CFAP77: variants seen among roughly 807,000 people sequenced by gnomAD.
CFAP77 encodes cilia- and flagella-associated protein 77.
In CFAP77, 25 loss-of-function variants were observed where a neutral mutation model predicts 31.1. The ratio of observed to expected loss-of-function variants is 0.80; its 90% CI spans 0.59 to 1.12. The LOEUF (loss-of-function observed/expected upper bound fraction) is 1.12. CFAP77 is among the 50% of genes most tolerant of loss of function. The probability of loss-of-function intolerance (pLI) is 0.00; values close to 1 mark genes in which losing one functional copy is unlikely to be tolerated. For synonymous variants in CFAP77, 151 were observed against 159.9 expected, an observed-to-expected ratio of 0.94 and a Z score of 0.42; for missense variants, 377 against 397.3, an observed-to-expected ratio of 0.95 and a Z score of 0.44.
intron 1 of CFAP77, among the ~76,000 whole-genome samples, chr9:132,477,832 C>A (rs962071524): frequency 6.6e-6 from 1 of 152,140 alleles, no homozygotes; most frequent in African/African-American, 2.4e-5. Flanking sequence ...GGAGTCCAGA[C>A]CCTCTGAGTC....
At chr9:132,513,501 C>A in intron 3 of CFAP77, 1 of 957,912 alleles carries the variant, frequency 1.0e-6, no homozygotes, top group Non-Finnish European at 1.5e-6. Flanking sequence ...TTCCACCCAG[C>A]GTGCCCAGTT....
intron 1 of CFAP77, among the ~76,000 whole-genome samples, chr9:132,482,957 A>T (rs557518166): frequency 9.6e-6 from 1 of 103,688 alleles, no homozygotes; most frequent in Admixed American, 8.9e-5. Flanking sequence ...TATAATAATA[A>T]TTTAAAAAAA....
chr9:132,557,984 C>T (rs1221462325), intron 5 of CFAP77, among the ~76,000 whole-genome samples: 5 of 152,204 alleles, frequency 3.3e-5, no homozygotes, highest in Non-Finnish European at 2.9e-5. Context: ...ACCTCCCTCC[C>T]GTGCCCACGG....
chr9:132,475,623 G>A (rs935272683), intron 1 of CFAP77, among the ~76,000 whole-genome samples: 1 of 152,174 alleles, frequency 6.6e-6, no homozygotes, highest in Non-Finnish European at 1.5e-5. Context: ...GAAGCCACAT[G>A]AAATTGGGCT....
At chr9:132,428,066 A>G (rs1001010227) in intron 1 of CFAP77, among the ~76,000 whole-genome samples, 2 of 151,164 alleles carry the variant, frequency 1.3e-5, no homozygotes, top group Non-Finnish European at 2.9e-5. Flanking sequence ...TGGTACAATC[A>G]TAGCTCACTG....
intron 3 of CFAP77, among the ~76,000 whole-genome samples, chr9:132,507,992 C>G (rs1419575384): frequency 6.6e-6 from 1 of 152,224 alleles, no homozygotes; most frequent in Non-Finnish European, 1.5e-5. Flanking sequence ...TGCTGTATGT[C>G]AGGTCCCAGA....
chr9:132,519,391 G>C, intron 3 of CFAP77, among the ~76,000 whole-genome samples: 2 of 143,630 alleles, frequency 1.4e-5, no homozygotes, highest in East Asian at 2.1e-4. Context: ...TAGGTGGATG[G>C]ATGGGTGGGC....
At position 132,427,001 on chromosome 9, in the gene CFAP77, G is replaced by A. The variant is rs532610312; in HGVS notation, c.195+16535G>A. 8.5e-5 allele frequency among the ~76,000 whole-genome samples: 13 copies of A among 152,262 alleles called. No individual in the cohort carries two copies. The East Asian group carries it at 9.6e-4, about 11-fold the overall frequency. ...AATGACACCATCTAAATCAGCAAAG[G>A]TGATCATTATGTGGTTATTAATCGA... On this transcript the variant is annotated intron_variant, in intron 1 of 5. Transcript: ENST00000393216.
rs1417553754 is a variant in CFAP77, at chr9:132,454,224, G to A, written c.195+43758G>A. Among the ~76,000 whole-genome samples the A allele has an allele frequency of 2.6e-5, 4 of 151,882 alleles. No homozygotes were observed. The East Asian group carries it at 5.8e-4, about 22-fold the overall frequency. On this transcript the variant is annotated intron_variant, in intron 1 of 5. Transcript: ENST00000393216. ...TGCAGTATCTAGTAGCTTCTTTATGGGAAAGAGTTTATCAATATTTCAATT... is the reference window on the plus strand; with the variant it reads ...TGCAGTATCTAGTAGCTTCTTTATGAGAAAGAGTTTATCAATATTTCAATT...
At position 132,497,268 on chromosome 9, in the gene CFAP77, T is replaced by C. The variant is rs1851759362; in HGVS notation, c.196-1427T>C. Among the ~76,000 whole-genome samples, 1 of 151,848 alleles carries C rather than the reference T, an allele frequency of 6.6e-6. No homozygotes were observed. Among genetic ancestry groups the C allele is most frequent in the East Asian group, 1.9e-4 (1 of 5,166 alleles). ...GGCAGTGATGAGCCACGCTGGGTGG[T>C]CCTTGACCATCTGTCTACCTCTCAG... On this transcript the variant is annotated intron_variant, in intron 1 of 5. Transcript: ENST00000393216. This position sits in a 1 kb window ranked among gnomAD's most constrained non-coding sequence, Gnocchi z 4.9.
At chr9:132,441,241 A>G (rs1179264923) in intron 1 of CFAP77, among the ~76,000 whole-genome samples, 3 of 152,150 alleles carry the variant, frequency 2.0e-5, no homozygotes, top group Non-Finnish European at 2.9e-5. Context: ...ATTTTCATGC[A>G]ATTCTACTCA....
chr9:132,419,533 C>T (rs1315901131), intron 1 of CFAP77, among the ~76,000 whole-genome samples: 2 of 152,244 alleles, frequency 1.3e-5, no homozygotes, highest in Non-Finnish European at 2.9e-5. Context: ...AGAAAATTTA[C>T]TGGCAGCTTT....
intron 3 of CFAP77, among the ~76,000 whole-genome samples, chr9:132,514,304 GTCC>G (rs900885404): frequency 3.1e-4 from 45 of 144,558 alleles, no homozygotes; most frequent in African/African-American, 1.0e-3. Flanking sequence ...GAGATGCTCT[GTCC>G]TCCTGGTCAG....
At chr9:132,422,780 C>T (rs1850242483) in intron 1 of CFAP77, among the ~76,000 whole-genome samples, 1 of 152,168 alleles carries the variant, frequency 6.6e-6, no homozygotes, top group Non-Finnish European at 1.5e-5. Context: ...AACCACACCT[C>T]CTTCCCTCTA....
intron 1 of CFAP77, among the ~76,000 whole-genome samples, chr9:132,431,593 C>T (rs1253621155): frequency 1.3e-5 from 2 of 152,158 alleles, no homozygotes; most frequent in East Asian, 3.8e-4. Flanking sequence ...TAAAAATTCA[C>T]TTAATGAGCC....
At chr9:132,478,219 A>G (rs1166281381) in intron 1 of CFAP77, among the ~76,000 whole-genome samples, 1 of 151,948 alleles carries the variant, frequency 6.6e-6, no homozygotes. Flanking sequence ...GCTTTTTACT[A>G]TCATAAACCA....
rs1851352694 is a variant in CFAP77 at position 132,476,780 on chromosome 9, C to T, written c.196-21915C>T. Among the ~76,000 whole-genome samples the T allele has an allele frequency of 2.0e-5, 3 of 152,138 alleles. No individual in the cohort carries two copies. In the South Asian group the frequency reaches 6.2e-4, roughly 32 times the overall value. ...AAGGAGCACCGCAGACTGCCAGCAA[C>T]CACCAGCAGCCGGGAGAGAGGCCTG... On this transcript the variant is annotated intron_variant, in intron 1 of 5. Coordinates refer to ENST00000393216, the MANE Select transcript of CFAP77 (RefSeq NM_001282957.2).
intron 1 of CFAP77, among the ~76,000 whole-genome samples, chr9:132,437,632 C>T (rs912561063): frequency 6.6e-6 from 1 of 151,182 alleles, no homozygotes; most frequent in Non-Finnish European, 1.5e-5. Flanking sequence ...GCCTCAGCCT[C>T]CCGAGTAGCT....
chr9:132,544,359 C>T (rs933008509), intron 5 of CFAP77, among the ~76,000 whole-genome samples: 2 of 152,204 alleles, frequency 1.3e-5, no homozygotes, highest in Admixed American at 6.5e-5. Flanking sequence ...CTCGACAGCA[C>T]GGCTCATCTC....
Sources: gnomAD v4.1 joint callset for allele counts (sites outside exome capture counted in the v4.1 genomes callset) on GRCh38, gnomAD v4.1.1 for gene constraint, Gnocchi (gnomAD v3.1) non-coding constraint, MANE v1.5 for transcripts, NCBI Gene and HGNC (gene_info 2026-07-23, HGNC 2026-07-21) for gene names.